The following NAA11 variants were observed in gnomAD, a reference collection of about 807,000 sequenced individuals.
NAA11 encodes the protein N-alpha-acetyltransferase 11, NatA catalytic subunit.
Under a neutral mutation model 16.1 loss-of-function variants are expected in NAA11, and 15 were observed. The observed-to-expected ratio is 0.93, with a 90% confidence interval of 0.62 to 1.44. The LOEUF is 1.44. Among genes scored for constraint, NAA11 ranks in the 40% most tolerant of loss-of-function variants. The pLI is 0.00. For synonymous variants in NAA11, 122 were observed against 112.4 expected, an observed-to-expected ratio of 1.09 and a Z score of -0.54; for missense variants, 298 against 291.3, an observed-to-expected ratio of 1.02 and a Z score of -0.17.
chr4:79,269,245 T>A (rs1439966429), intron 2 of NAA11, among the ~76,000 whole-genome samples: 1 of 149,440 alleles, frequency 6.7e-6, no homozygotes, highest in East Asian at 2.0e-4. Context: ...TCAAATGGTA[T>A]TTCTAGTTCT....
chr4:79,182,445 C>T, the NAA11 span, among the ~76,000 whole-genome samples: 2 of 152,090 alleles, frequency 1.3e-5, no homozygotes, highest in African/African-American at 4.8e-5. Context: ...AACACATCTA[C>T]CATGTTAATG....
chr4:79,313,065 A>G (rs1319008821), downstream of NAA11, among the ~76,000 whole-genome samples: 2 of 152,218 alleles, frequency 1.3e-5, no homozygotes, highest in African/African-American at 4.8e-5. Context: ...ACATACATGC[A>G]TATATTTGTC....
At chr4:79,162,299 A>G in the NAA11 span, among the ~76,000 whole-genome samples, 94,846 of 152,012 alleles carry the variant, frequency 0.62, 31,205 homozygotes, top group East Asian at 0.98. Flanking sequence ...AAGCTTGAGC[A>G]TGATCTGAAA....
At chr4:79,221,340 T>C (rs1158679651), downstream of NAA11, among the ~76,000 whole-genome samples, 338 of 149,086 alleles carry the variant, frequency 2.3e-3, 1 homozygote, top group African/African-American at 7.6e-3. Context: ...TTTGACTTCC[T>C]CTTTTCCTAA....
chr4:79,165,376 C>T, the NAA11 span, among the ~76,000 whole-genome samples: 4 of 152,182 alleles, frequency 2.6e-5, no homozygotes, highest in African/African-American at 9.7e-5. Context: ...AAACTGCAGG[C>T]TTGGGAAATG....
chr4:79,313,492 G>A (rs1193005312), downstream of NAA11, among the ~76,000 whole-genome samples: 3 of 152,182 alleles, frequency 2.0e-5, no homozygotes, highest in Non-Finnish European at 2.9e-5. Context: ...GTAAGCGCCT[G>A]TGAAATGCAG....
intron 1 of NAA11, among the ~76,000 whole-genome samples, chr4:79,297,108 T>C (rs1329482136): frequency 6.6e-6 from 1 of 152,186 alleles, no homozygotes; most frequent in Admixed American, 6.5e-5. Context: ...GAGCCTCTGC[T>C]GCTCTGCATC....
intron 1 of NAA11, among the ~76,000 whole-genome samples, chr4:79,320,434 T>G (rs1456589580): frequency 6.6e-6 from 1 of 152,234 alleles, no homozygotes; most frequent in Non-Finnish European, 1.5e-5. Context: ...GCAATTTACA[T>G]AGATTGACTC....
the NAA11 span, among the ~76,000 whole-genome samples, chr4:79,196,944 G>T: frequency 3.3e-5 from 2 of 60,614 alleles, no homozygotes; most frequent in Non-Finnish European, 5.6e-5. Flanking sequence ...TCTTTTGGAA[G>T]ATGAAAAAGA....
At chr4:79,235,231 G>A (rs1460866328) in intron 2 of NAA11, among the ~76,000 whole-genome samples, 1 of 152,064 alleles carries the variant, frequency 6.6e-6, no homozygotes, top group Non-Finnish European at 1.5e-5. Flanking sequence ...AAGCCCTAGA[G>A]TTGAGAGCAC....
chr4:79,219,745 C>A, the NAA11 span, among the ~76,000 whole-genome samples: 1 of 151,998 alleles, frequency 6.6e-6, no homozygotes, highest in African/African-American at 2.4e-5. Context: ...TACATTTTTT[C>A]TGAACCATTT....
the NAA11 span, among the ~76,000 whole-genome samples, chr4:79,202,974 A>G: frequency 1.3e-5 from 2 of 151,524 alleles, no homozygotes; most frequent in Non-Finnish European, 3.0e-5. Context: ...AGCCAAATTT[A>G]TGGCTACAAG....
At chr4:79,204,343 T>G in the NAA11 span, among the ~76,000 whole-genome samples, 1 of 151,924 alleles carries the variant, frequency 6.6e-6, no homozygotes, top group Non-Finnish European at 1.5e-5. Context: ...AGATAATATT[T>G]CTTGTCAGGA....
the NAA11 span, among the ~76,000 whole-genome samples, chr4:79,171,842 G>A: frequency 6.6e-6 from 1 of 152,062 alleles, no homozygotes; most frequent in African/African-American, 2.4e-5. Flanking sequence ...ATAAAATACT[G>A]TTACCCAAAA....
intron 2 of NAA11, among the ~76,000 whole-genome samples, chr4:79,274,143 C>T (rs1349216325): frequency 6.6e-6 from 1 of 152,044 alleles, no homozygotes; most frequent in East Asian, 1.9e-4. Context: ...TAGATGTAAA[C>T]AGCTGTTATT....
downstream of NAA11, among the ~76,000 whole-genome samples, chr4:79,220,850 G>T (rs542538931): frequency 2.0e-5 from 3 of 152,030 alleles, no homozygotes; most frequent in Non-Finnish European, 4.4e-5. Context: ...TTGACTTGGC[G>T]ATGTGGGCTC....
chr4:79,212,632 C>T, the NAA11 span, among the ~76,000 whole-genome samples: 1 of 152,214 alleles, frequency 6.6e-6, no homozygotes, highest in East Asian at 1.9e-4. Flanking sequence ...CCATGCTCAA[C>T]TGTAGTCCAA....
chr4:79,262,983 T>A (rs1277881703), intron 2 of NAA11, among the ~76,000 whole-genome samples: 1 of 152,076 alleles, frequency 6.6e-6, no homozygotes, highest in Non-Finnish European at 1.5e-5. Flanking sequence ...GATGACAGGA[T>A]TTAAATAAAT....
intron 2 of NAA11, among the ~76,000 whole-genome samples, chr4:79,241,850 G>A (rs1212860784): frequency 6.6e-6 from 1 of 152,208 alleles, no homozygotes; most frequent in Non-Finnish European, 1.5e-5. Context: ...TATGGAAACT[G>A]AGTAGCCAAA....
Sources: allele counts gnomAD v4.1 joint callset (sites outside exome capture counted in the v4.1 genomes callset), GRCh38; gene constraint gnomAD v4.1.1; transcripts MANE v1.5; gene names NCBI Gene and HGNC (gene_info 2026-07-23, HGNC 2026-07-21).